The following CAPSL variants were observed in gnomAD, a reference collection of about 807,000 sequenced individuals.
CAPSL encodes calcyphosine like, also known as calcyphosin-like protein.
Under a neutral mutation model 21.3 loss-of-function variants are expected in CAPSL, and 17 were observed. The ratio of observed to expected loss-of-function variants is 0.80; its 90% CI spans 0.55 to 1.20. CAPSL has a LOEUF of 1.20. Ranked by LOEUF, CAPSL falls within the 50% of genes most tolerant of loss-of-function variation. CAPSL has a pLI of 0.00. For synonymous variants in CAPSL, 102 were observed against 89.3 expected (o/e 1.14, Z -0.80); for missense variants, 289 against 259.3 (o/e 1.11, Z -0.79).
Position 35,904,702 on chromosome 5 carries a change from GGCGCCCACCTTGTGCACCTGTAAATA to G in CAPSL, c.526-82_526-57del, listed in dbSNP as rs753371136. 3.8e-4 allele frequency: 605 copies of G among 1,605,534 alleles called. 2 individuals carry two copies. The highest frequency in any genetic ancestry group is 4.9e-4 in the Non-Finnish European group (582 of 1,176,646). On this transcript the variant is annotated intron_variant, in intron 4 of 4. Transcript: ENST00000651391. ...AACTTTGCTTCTCACTCTGTCAATG[GGCGCCCACCTTGTGCACCTGTAAATA>G]GAAGGGAAATAGAGGATTTCTTTGT...
At chr5:35,909,369 A>G (rs527973803) in intron 4 of CAPSL, among the ~76,000 whole-genome samples, 31 of 152,334 alleles carry the variant, frequency 2.0e-4, no homozygotes, top group Admixed American at 1.1e-3. Context: ...TTTAAATGGC[A>G]TTTCCACATA....
intron 1 of CAPSL, among the ~76,000 whole-genome samples, chr5:35,934,717 T>C (rs1029161806): frequency 6.6e-6 from 1 of 152,236 alleles, no homozygotes; most frequent in Non-Finnish European, 1.5e-5. Context: ...CCTTTAAGGC[T>C]ATGGGTAACA....
intron 1 of CAPSL, among the ~76,000 whole-genome samples, chr5:35,938,114 G>C (rs958870437): frequency 6.6e-6 from 1 of 152,172 alleles, no homozygotes; most frequent in Non-Finnish European, 1.5e-5. Context: ...ACAAAGCAAG[G>C]TCTGAATGAA....
At chr5:35,926,242 T>C (rs531005356) in intron 1 of CAPSL, among the ~76,000 whole-genome samples, 4 of 152,114 alleles carry the variant, frequency 2.6e-5, no homozygotes, top group Non-Finnish European at 5.9e-5. Flanking sequence ...AGATGGCCAG[T>C]GGCAGAACGT....
chr5:35,904,468 G>T lies in CAPSL; in HGVS notation c.*77C>A. 1 of 1,062,354 alleles carries T rather than the reference G, an allele frequency of 9.4e-7. No individual in the cohort carries two copies. Among genetic ancestry groups the T allele is most frequent in the Non-Finnish European group, 1.4e-6 (1 of 702,918 alleles). 65.8% of individuals were successfully genotyped at this position (1,062,354 alleles called of 1,614,324 possible). ...TTAGGATGAGTGTGAAATCAAATAC[G>T]ATTCTGGTTTTTGAGCTGACATTTA... On this transcript the variant is annotated 3_prime_UTR_variant, in exon 5 of 5. Transcript: ENST00000651391.
chr5:35,911,719 A>G (rs1236564179), intron 2 of CAPSL, among the ~76,000 whole-genome samples: 1 of 152,214 alleles, frequency 6.6e-6, no homozygotes, highest in African/African-American at 2.4e-5. Context: ...TGGTTTTTAA[A>G]GTAGTCTATT....
intron 4 of CAPSL, among the ~76,000 whole-genome samples, chr5:35,907,897 A>G (rs1023890885): frequency 2.6e-5 from 4 of 152,220 alleles, no homozygotes; most frequent in Non-Finnish European, 4.4e-5. Flanking sequence ...AGAATTTACC[A>G]TGGAGTTCCT....
At chr5:35,922,410 T>C (rs1038676932) in intron 1 of CAPSL, among the ~76,000 whole-genome samples, 3 of 152,168 alleles carry the variant, frequency 2.0e-5, no homozygotes, top group Non-Finnish European at 4.4e-5. Context: ...GATCCCTCTT[T>C]CTTGCCCTGT....
At chr5:35,914,199 A>T (rs965420563) in intron 2 of CAPSL, among the ~76,000 whole-genome samples, 4 of 152,240 alleles carry the variant, frequency 2.6e-5, no homozygotes, top group Admixed American at 2.6e-4. Flanking sequence ...GAGCACGCAG[A>T]TTCATAAAGC....
intron 1 of CAPSL, among the ~76,000 whole-genome samples, chr5:35,922,896 G>A (rs1445531223): frequency 6.6e-6 from 1 of 152,140 alleles, no homozygotes; most frequent in Non-Finnish European, 1.5e-5. Context: ...ATCTAGCCAT[G>A]TCCTGCTGTC....
chr5:35,919,176 T>C (rs1477930100), intron 2 of CAPSL, among the ~76,000 whole-genome samples: 2 of 126,110 alleles, frequency 1.6e-5, no homozygotes, highest in African/African-American at 2.6e-5. Flanking sequence ...AAAAAATATA[T>C]ATATATATAT....
intron 1 of CAPSL, among the ~76,000 whole-genome samples, chr5:35,935,682 A>G (rs1428461818): frequency 1.3e-5 from 2 of 152,092 alleles, no homozygotes; most frequent in African/African-American, 4.8e-5. Flanking sequence ...GTTCAGTTCC[A>G]TTATTCCAAC....
chr5:35,937,837 CA>C (rs11369328), intron 1 of CAPSL, among the ~76,000 whole-genome samples: 76 of 146,528 alleles, frequency 5.2e-4, no homozygotes, highest in African/African-American at 1.4e-3. Context: ...AAAAATAAGT[CA>C]AAAAAAAAAA....
At position 35,926,472 on chromosome 5, in the gene CAPSL, C is replaced by G. The variant is rs34070494; in HGVS notation, c.1-5352G>C. Among the ~76,000 whole-genome samples, 53 of 50,912 alleles carry G rather than the reference C, an allele frequency of 1.0e-3. No individual in the cohort carries two copies. The East Asian group carries it at 0.014, about 13-fold the overall frequency. 33.4% of individuals were successfully genotyped at this position (50,912 alleles called of 152,430 possible). A position where few individuals can be genotyped will look rare whatever the true frequency, so the allele number is the denominator to read the frequency against. On this transcript the variant is annotated intron_variant, in intron 1 of 4. Transcript: ENST00000651391. ...AACCAACTGCCACGCCAAACTCTCT[C>G]CCGCCTGGATTTTGCGAATTATTGT...
At chr5:35,937,756 C>T (rs572249248) in intron 1 of CAPSL, among the ~76,000 whole-genome samples, 2 of 151,324 alleles carry the variant, frequency 1.3e-5, no homozygotes, top group South Asian at 2.1e-4. Flanking sequence ...AAATGTATGC[C>T]TGAAATTCAA....
intron 2 of CAPSL, among the ~76,000 whole-genome samples, chr5:35,918,084 T>G (rs1191127364): frequency 6.6e-6 from 1 of 152,184 alleles, no homozygotes; most frequent in Non-Finnish European, 1.5e-5. Flanking sequence ...AAATACCATT[T>G]GACCCCACAA....
chr5:35,904,291 G>A lies in CAPSL; in HGVS notation c.*254C>T, dbSNP rs1760620210. The stretch of plus-strand genomic sequence containing the variant: ...CCTGCATGTATCAGCACAGCACTAG[G>A]AGCTTTACAGAGCTCATTTTATTTA... On this transcript the variant is annotated 3_prime_UTR_variant, in exon 5 of 5. Transcript: ENST00000651391. 6 of 514,782 alleles carry A rather than the reference G, an allele frequency of 1.2e-5. No individual in the cohort carries two copies. In the South Asian group the frequency reaches 1.5e-4, roughly 13 times the overall value. The allele number at this position is 514,782 out of a possible 1,614,324, so 31.9% of individuals were successfully genotyped here.
At chr5:35,909,804 C>G (rs911423501) in intron 4 of CAPSL, 62 bp downstream of exon 4, 1 of 1,336,082 alleles carries the variant, frequency 7.5e-7, no homozygotes, top group Non-Finnish European at 1.0e-6. Context: ...GAGTTTGGAC[C>G]TATTTCCCAT....
At chr5:35,910,246 T>C (rs1738179616) in intron 3 of CAPSL, 120 bp downstream of exon 3, 1 of 1,211,340 alleles carries the variant, frequency 8.3e-7, no homozygotes, top group Non-Finnish European at 1.2e-6. Context: ...TTCACAGTTT[T>C]CTGCTTATCC....
Sources: gnomAD v4.1 joint callset for allele counts (sites outside exome capture counted in the v4.1 genomes callset) on GRCh38, gnomAD v4.1.1 for gene constraint, MANE v1.5 for transcripts, NCBI Gene and HGNC (gene_info 2026-07-23, HGNC 2026-07-21) for gene names.